Variants in MRPL44 observed in about 807,000 individuals in gnomAD.
MRPL44 encodes mitochondrial ribosomal protein L44.
MRPL44 carries 21 observed loss-of-function variants against 25.9 expected under a neutral mutation model. That is an observed-to-expected ratio of 0.81 (90% CI 0.58 to 1.17). The LOEUF (loss-of-function observed/expected upper bound fraction) is 1.17. Among genes scored for constraint, MRPL44 ranks in the 50% most tolerant of loss-of-function variants. The pLI is 0.00. For missense variants in MRPL44, 410 were observed against 398.9 expected (o/e 1.03, Z -0.24); for synonymous variants, 169 against 151.0 (o/e 1.12, Z -0.87).
chr2:223,955,604 G>T (rs1455727953), upstream of MRPL44, among the ~76,000 whole-genome samples: 1 of 152,168 alleles, frequency 6.6e-6, no homozygotes, highest in Non-Finnish European at 1.5e-5. Flanking sequence ...TTCCCCAAGG[G>T]TTAAAGTGAA....
At chr2:223,963,549 A>G (rs889750014) in intron 2 of MRPL44, among the ~76,000 whole-genome samples, 1 of 152,140 alleles carries the variant, frequency 6.6e-6, no homozygotes, top group Non-Finnish European at 1.5e-5. Context: ...TAATCCAACT[A>G]TGATTTTTGC....
At chr2:223,964,223 A>G (rs927436206) in intron 3 of MRPL44, among the ~76,000 whole-genome samples, 3 of 152,116 alleles carry the variant, frequency 2.0e-5, no homozygotes, top group East Asian at 1.9e-4. Context: ...GTTATCTTAA[A>G]TTTTTCTGTG....
upstream of MRPL44, among the ~76,000 whole-genome samples, chr2:223,954,233 C>G (rs1160199452): frequency 2.0e-5 from 3 of 152,210 alleles, no homozygotes; most frequent in Non-Finnish European, 4.4e-5. Context: ...CTGCATCTAG[C>G]AAAATCCACG....
intron 3 of MRPL44, chr2:223,965,553 A>C (rs1351216110): frequency 1.3e-5 from 2 of 152,246 alleles, no homozygotes; most frequent in African/African-American, 2.4e-5. Flanking sequence ...TCCAGGAAGT[A>C]GTTAAATATA....
At chr2:223,952,122 G>A in the MRPL44 span, among the ~76,000 whole-genome samples, 1 of 152,148 alleles carries the variant, frequency 6.6e-6, no homozygotes, top group Non-Finnish European at 1.5e-5. Flanking sequence ...TATTGCAGGG[G>A]GTTGACTTCT....
chr2:223,957,672 A>T, intron 1 of MRPL44, 21 bp downstream of exon 1: 1 of 1,595,570 alleles, frequency 6.3e-7, no homozygotes. Flanking sequence ...CCTCGGGAAG[A>T]GGTCTCAGGG....
At chr2:223,957,723 G>A in intron 1 of MRPL44, 72 bp downstream of exon 1, 2 of 1,485,704 alleles carry the variant, frequency 1.3e-6, no homozygotes, top group Non-Finnish European at 1.8e-6. Flanking sequence ...GCGGCGTCGT[G>A]TCTGCGGCTG....
At chr2:223,962,560 C>T (rs1689679612) in intron 2 of MRPL44, among the ~76,000 whole-genome samples, 1 of 152,154 alleles carries the variant, frequency 6.6e-6, no homozygotes, top group African/African-American at 2.4e-5. Flanking sequence ...AGTTTCTATA[C>T]AACATAATAC....
At chr2:223,951,702 C>T in the MRPL44 span, among the ~76,000 whole-genome samples, 1 of 152,186 alleles carries the variant, frequency 6.6e-6, no homozygotes, top group African/African-American at 2.4e-5. Flanking sequence ...TGGTCTCGAA[C>T]TCCTGACCTC....
rs1378102384 is a variant in MRPL44 at position 223,959,746 on chromosome 2, CT to C, written c.397del (p.Ser133HisfsTer21). On this transcript the variant is annotated frameshift_variant, in exon 2 of 4. Transcript: ENST00000258383. LOFTEE classifies it high-confidence loss of function. ...SNQELSEQGT[S>X]FSQTCLTQFL... ...CAAGAACTATCCGAACAAGGGACATCTTTTTCACAGACTTGCCTTACACAGT... is the reference window on the plus strand; with the variant it reads ...CAAGAACTATCCGAACAAGGGACATCTTTTCACAGACTTGCCTTACACAGT... 2.5e-6 allele frequency: 4 copies of C among 1,614,206 alleles called. No individual in the cohort carries two copies. The highest frequency in any genetic ancestry group is 3.4e-6 in the Non-Finnish European group (4 of 1,180,034).
At chr2:223,957,401 C>G (rs1210277071), upstream of MRPL44, 3 of 1,583,756 alleles carry the variant, frequency 1.9e-6, no homozygotes, top group Non-Finnish European at 2.6e-6. Flanking sequence ...GTTCCGGGTT[C>G]CGGGGGAAGT....
intron 3 of MRPL44, among the ~76,000 whole-genome samples, chr2:223,964,470 C>T (rs1370056137): frequency 4.6e-5 from 7 of 152,064 alleles, no homozygotes; most frequent in Admixed American, 4.6e-4. Flanking sequence ...TTTAAGATAG[C>T]TAGATTAAAA....
In MRPL44 at chr2:223,959,938, T is replaced by C. The variant is rs1553539922; in HGVS notation, c.584T>C (p.Phe195Ser). 5 of 1,614,064 alleles carry C rather than the reference T, an allele frequency of 3.1e-6. No homozygotes were observed. Among genetic ancestry groups the C allele is most frequent in the Non-Finnish European group, 4.2e-6 (5 of 1,180,032 alleles). The change falls in exon 2 of 4, where the codon TTC becomes TCC. Residue 195 changes from phenylalanine (F) to serine (S), a missense_variant. Phe to Ser is a radical substitution (Grantham distance 155). Coordinates refer to ENST00000258383, the MANE Select transcript of MRPL44 (RefSeq NM_022915.5). ...PVPPAVLQQT[F>S]FAVIGALLQS... ...CCCCCAGCTGTGTTACAGCAGACTT[T>C]CTTTGCAGTTATTGGAGCCCTGTTA...
chr2:223,958,549 A>G (rs1457831846), intron 1 of MRPL44, among the ~76,000 whole-genome samples: 1 of 152,240 alleles, frequency 6.6e-6, no homozygotes, highest in African/African-American at 2.4e-5. Context: ...AAGAAACTTT[A>G]TGGGTTGGAC....
rs1342710855 is a variant in MRPL44 at position 223,967,340 on chromosome 2, C to T, written c.*306C>T. The stretch of plus-strand genomic sequence containing the variant: ...CTCCACCTCACAGGTTCAAGCGATT[C>T]TCGTGGCTCAGCCTCCCTAGTAGCT... On this transcript the variant is annotated 3_prime_UTR_variant, in exon 4 of 4. Transcript: ENST00000258383. The T allele has an allele frequency of 1.0e-5, 2 of 200,140 alleles. No individual in the cohort carries two copies. Among genetic ancestry groups the T allele is most frequent in the Non-Finnish European group, 1.0e-5 (1 of 98,990 alleles). 12.4% of individuals were successfully genotyped at this position (200,140 alleles called of 1,614,324 possible). A position where few individuals can be genotyped will look rare whatever the true frequency, so the allele number is the denominator to read the frequency against.
chr2:223,957,402 C>T (rs1689582071), upstream of MRPL44: 4 of 1,584,462 alleles, frequency 2.5e-6, no homozygotes, highest in Admixed American at 5.0e-5. Flanking sequence ...TTCCGGGTTC[C>T]GGGGGAAGTG....
chr2:223,963,390 C>T (rs1347093683), intron 2 of MRPL44, among the ~76,000 whole-genome samples: 1 of 151,982 alleles, frequency 6.6e-6, no homozygotes, highest in Non-Finnish European at 1.5e-5. Flanking sequence ...TTTCAGTCTA[C>T]TTGTGATCAC....
intron 2 of MRPL44, 81 bp downstream of exon 2, chr2:223,960,083 C>G: frequency 8.6e-7 from 1 of 1,167,044 alleles, no homozygotes; most frequent in East Asian, 2.5e-5. Context: ...TGATATATCA[C>G]CTTGGAAGTG....
At chr2:223,953,498 A>T (rs570578559), upstream of MRPL44, among the ~76,000 whole-genome samples, 1 of 152,346 alleles carries the variant, frequency 6.6e-6, no homozygotes, top group African/African-American at 2.4e-5. Flanking sequence ...GGAAATACTT[A>T]TAAAACTTTT....
Sources: gnomAD v4.1 joint callset for allele counts (sites outside exome capture counted in the v4.1 genomes callset) on GRCh38, gnomAD v4.1.1 for gene constraint, MANE v1.5 for transcripts, NCBI Gene and HGNC (gene_info 2026-07-23, HGNC 2026-07-21) for gene names.